Variants in SHROOM4 observed in about 807,000 individuals in gnomAD.
The protein encoded by SHROOM4 is protein Shroom4.
SHROOM4 carries 17 observed loss-of-function variants against 80.3 expected under a neutral mutation model. That is an observed-to-expected ratio of 0.21 (90% CI 0.14 to 0.32). The LOEUF (loss-of-function observed/expected upper bound fraction) is 0.32. Among genes scored for constraint, SHROOM4 ranks in the 10% least tolerant of loss-of-function variants. SHROOM4 has a pLI of 1.00. For synonymous variants in SHROOM4, 400 were observed against 437.5 expected (o/e 0.91, Z 1.07); for missense variants, 993 against 1,140.3 (o/e 0.87, Z 1.86).
intron 1 of SHROOM4, among the ~76,000 whole-genome samples, chrX:50,727,662 T>C (rs1485152792): frequency 8.9e-6 from 1 of 112,343 alleles, no homozygotes. Context: ...CTTCACCTTC[T>C]AGATGATTGT....
intron 2 of SHROOM4, among the ~76,000 whole-genome samples, chrX:50,644,795 T>C (rs143678231): frequency 0.015 from 1,714 of 111,734 alleles, 37 homozygotes; most frequent in African/African-American, 0.051. Flanking sequence ...AGGGGAAAGT[T>C]TGGGAGCTTT....
At chrX:50,774,090 C>T (rs1274151229) in intron 1 of SHROOM4, among the ~76,000 whole-genome samples, 3 of 111,756 alleles carry the variant, frequency 2.7e-5, no homozygotes, top group Non-Finnish European at 5.6e-5. Flanking sequence ...GCCACTTTTG[C>T]GGTGGAGGTC....
At chrX:50,749,508 A>C (rs1315797272) in intron 1 of SHROOM4, among the ~76,000 whole-genome samples, 1 of 111,799 alleles carries the variant, frequency 8.9e-6, no homozygotes, top group African/African-American at 3.3e-5. Context: ...GTATAGAGCA[A>C]TGGGAGGATA....
intron 1 of SHROOM4, among the ~76,000 whole-genome samples, chrX:50,753,826 T>C (rs1423297028): frequency 8.9e-6 from 1 of 112,129 alleles, no homozygotes; most frequent in Non-Finnish European, 1.9e-5. Context: ...TTTATGTTTA[T>C]GAATTTTGTC....
In SHROOM4 at chrX:50,634,251, C is replaced by T. The variant is rs994599855; in HGVS notation, c.1822G>A (p.Gly608Ser). Reference protein sequence around the residue: ...RRKAQLQKSKGPLSQLCDTKE... With the variant: ...RRKAQLQKSKSPLSQLCDTKE... The stretch of plus-strand genomic sequence containing the variant: ...GTGTCACACAGCTGTGACAAGGGAC[C>T]CTTGCTTTTCTGGAGCTGGGCCTTC... The change falls in exon 4 of 9, where the codon GGT (glycine) becomes AGT (serine). Residue 608 changes from glycine (G) to serine (S), a missense_variant. By Grantham distance (56) the Gly-to-Ser change is moderately conservative. Coordinates refer to ENST00000376020, the MANE Select transcript of SHROOM4 (RefSeq NM_020717.5). 2 of 1,211,442 alleles carry T rather than the reference C, an allele frequency of 1.7e-6. No homozygotes were observed. Among genetic ancestry groups the T allele is most frequent in the Admixed American group, 2.2e-5 (1 of 46,011 alleles).
intron 1 of SHROOM4, among the ~76,000 whole-genome samples, chrX:50,704,267 G>T (rs1557263768): frequency 8.9e-6 from 1 of 112,191 alleles, no homozygotes; most frequent in Admixed American, 9.4e-5. Context: ...ATACTTGTAA[G>T]AAATGGCCAA....
chrX:50,736,813 T>C (rs1458340218), intron 1 of SHROOM4, among the ~76,000 whole-genome samples: 1 of 112,120 alleles, frequency 8.9e-6, no homozygotes, highest in African/African-American at 3.2e-5. Context: ...CTTTGAGGAA[T>C]TGCCACACTG....
intron 2 of SHROOM4, among the ~76,000 whole-genome samples, chrX:50,675,560 CAT>C (rs782641680): frequency 2.7e-5 from 3 of 110,882 alleles, no homozygotes; most frequent in African/African-American, 9.8e-5. Context: ...AGTATTAAAA[CAT>C]ATTGAGTTTG....
chrX:50,731,981 G>A (rs1223032876), intron 1 of SHROOM4, among the ~76,000 whole-genome samples: 1 of 111,982 alleles, frequency 8.9e-6, no homozygotes, highest in Non-Finnish European at 1.9e-5. Context: ...ACAGCTGGTA[G>A]GAGCCTTCCT....
intron 1 of SHROOM4, among the ~76,000 whole-genome samples, chrX:50,762,924 T>C (rs1290287213): frequency 8.9e-6 from 1 of 111,916 alleles, no homozygotes; most frequent in African/African-American, 3.2e-5. Context: ...ATTTTCCATA[T>C]GTAGATTAAC....
intron 1 of SHROOM4, among the ~76,000 whole-genome samples, chrX:50,728,040 C>T (rs1325810450): frequency 8.9e-6 from 1 of 111,939 alleles, no homozygotes; most frequent in Non-Finnish European, 1.9e-5. Flanking sequence ...GCTGGTAGCT[C>T]TGTGATACTA....
chrX:50,662,041 G>C (rs1352299162), intron 2 of SHROOM4, among the ~76,000 whole-genome samples: 4 of 110,837 alleles, frequency 3.6e-5, no homozygotes, highest in Non-Finnish European at 7.5e-5. Context: ...TACTAGATCA[G>C]AAACTCTGGA....
rs781969862 is a variant in SHROOM4, at chrX:50,677,896, G to T, written c.269+17890C>A. 6.3e-5 allele frequency among the ~76,000 whole-genome samples: 7 copies of T among 111,296 alleles called. No individual in the cohort carries two copies. In the South Asian group the frequency reaches 2.6e-3, roughly 42 times the overall value. On this transcript the variant is annotated intron_variant, in intron 2 of 8. Coordinates refer to ENST00000376020, the MANE Select transcript of SHROOM4 (RefSeq NM_020717.5). ...CTATTGACTTCCCATTCTACATTCT[G>T]TTATCTGCCTAATCAGTGGGTATTC...
At chrX:50,758,766 G>C (rs1935090808) in intron 1 of SHROOM4, among the ~76,000 whole-genome samples, 1 of 111,559 alleles carries the variant, frequency 9.0e-6, no homozygotes, top group African/African-American at 3.2e-5. Context: ...ATGTTTGGTA[G>C]AATTTATTAG....
chrX:50,635,720 C>T, intron 3 of SHROOM4, 52 bp from the exon 4 acceptor site: 1 of 1,126,576 alleles, frequency 8.9e-7, no homozygotes. Context: ...GCCAGCCCTA[C>T]TATAGGAGAG....
intron 1 of SHROOM4, among the ~76,000 whole-genome samples, chrX:50,727,079 C>T (rs1264263894): frequency 8.8e-6 from 1 of 113,221 alleles, no homozygotes; most frequent in Non-Finnish European, 1.9e-5. Flanking sequence ...GGATGTGAGA[C>T]ATGGAGTCAA....
intron 4 of SHROOM4, among the ~76,000 whole-genome samples, chrX:50,630,204 C>T (rs145992432): frequency 0.01 from 1,140 of 110,769 alleles, 6 homozygotes; most frequent in Middle Eastern, 0.064. Flanking sequence ...GGGCTGACAC[C>T]GCTGCAGCCG....
At chrX:50,579,121 C>T in the SHROOM4 span, among the ~76,000 whole-genome samples, 1 of 111,677 alleles carries the variant, frequency 9.0e-6, no homozygotes, top group Non-Finnish European at 1.9e-5. Context: ...ATTTAAGAAA[C>T]TAATATGGTT....
downstream of SHROOM4, among the ~76,000 whole-genome samples, chrX:50,585,337 C>T (rs868939875): frequency 1.5e-4 from 17 of 111,485 alleles, no homozygotes; most frequent in South Asian, 3.8e-4. Context: ...CCAAAGGACA[C>T]GCTGGAATTG....
Sources: allele counts gnomAD v4.1 joint callset (sites outside exome capture counted in the v4.1 genomes callset), GRCh38; gene constraint gnomAD v4.1.1; transcripts MANE v1.5; gene names NCBI Gene and HGNC (gene_info 2026-07-23, HGNC 2026-07-21).